Variants in SPAG6 observed in about 807,000 individuals in gnomAD.
SPAG6 encodes sperm-associated antigen 6.
Under a neutral mutation model 58.5 loss-of-function variants are expected in SPAG6, and 49 were observed. That is an observed-to-expected ratio of 0.84 (90% CI 0.67 to 1.06). SPAG6 has a LOEUF of 1.06. Among genes scored for constraint, SPAG6 ranks in the 50% least tolerant of loss-of-function variants. The pLI, the probability that SPAG6 is intolerant of heterozygous loss-of-function variation, is 0.00. For synonymous variants in SPAG6, 233 were observed against 225.6 expected, an observed-to-expected ratio of 1.03 and a Z score of -0.29; for missense variants, 560 against 611.3, an observed-to-expected ratio of 0.92 and a Z score of 0.89.
At chr10:22,352,393 A>G (rs1345497517) in intron 2 of SPAG6, among the ~76,000 whole-genome samples, 1 of 152,010 alleles carries the variant, frequency 6.6e-6, no homozygotes, top group Non-Finnish European at 1.5e-5. Context: ...TTTAAAAAAA[A>G]TTGAGGGATT....
At chr10:22,400,056 A>G (rs2132101747) in intron 8 of SPAG6, among the ~76,000 whole-genome samples, 1 of 152,328 alleles carries the variant, frequency 6.6e-6, no homozygotes. Flanking sequence ...CTTAAATTCA[A>G]GAGATTCTTT....
At chr10:22,354,066 T>C (rs552081685) in intron 2 of SPAG6, among the ~76,000 whole-genome samples, 5 of 152,318 alleles carry the variant, frequency 3.3e-5, no homozygotes, top group Non-Finnish European at 5.9e-5. Flanking sequence ...GTATGAAGTT[T>C]AGATTTCTCC....
Position 22,415,774 on chromosome 10 carries a change from C to T in SPAG6, c.1461-845C>T, listed in dbSNP as rs114060593. The stretch of plus-strand genomic sequence containing the variant: ...AGGTTTTATCTGGAGAAAATGCCTT[C>T]AGAAGCTTAATTATTTTGAGTGTTT... On this transcript the variant is annotated intron_variant, in intron 10 of 10. Transcript: ENST00000376624. Among the ~76,000 whole-genome samples the T allele has an allele frequency of 9.4e-3, 1,432 of 152,204 alleles. 23 individuals are homozygous for T. Among genetic ancestry groups the T allele is most frequent in the African/African-American group, 0.033 (1,364 of 41,536 alleles).
At chr10:22,372,767 A>C (rs1286229189) in intron 4 of SPAG6, among the ~76,000 whole-genome samples, 1 of 152,166 alleles carries the variant, frequency 6.6e-6, no homozygotes, top group African/African-American at 2.4e-5. Context: ...TTAGCTAAAA[A>C]AAAAAAAAAA....
intron 10 of SPAG6, among the ~76,000 whole-genome samples, chr10:22,411,951 C>A (rs904122215): frequency 6.6e-6 from 1 of 150,616 alleles, no homozygotes; most frequent in African/African-American, 2.5e-5. Context: ...CAGGTTCACG[C>A]CGTTCTCCTG....
chr10:22,398,082 G>C (rs1262157339), intron 8 of SPAG6, among the ~76,000 whole-genome samples: 1 of 152,228 alleles, frequency 6.6e-6, no homozygotes. Flanking sequence ...ATTGAATTGA[G>C]AATCTGAAAT....
chr10:22,409,112 G>T (rs914148723), intron 9 of SPAG6, among the ~76,000 whole-genome samples: 2 of 152,298 alleles, frequency 1.3e-5, no homozygotes, highest in South Asian at 4.1e-4. Context: ...GGGAGCTGTA[G>T]ACCGGAGCTG....
intron 2 of SPAG6, among the ~76,000 whole-genome samples, chr10:22,346,851 A>G (rs1298037265): frequency 6.6e-6 from 1 of 152,164 alleles, no homozygotes; most frequent in Non-Finnish European, 1.5e-5. Context: ...ATAATCTTCT[A>G]AACGCATTTT....
chr10:22,345,885 C>A lies in SPAG6; in HGVS notation c.121+67C>A. Reference sequence around the variant, plus strand: ...AGTCCCCGACGCCTCCGCCCCGCTGCCCTGCCCGTGGAGCTCTTGGGGAGC... The same window carrying A: ...AGTCCCCGACGCCTCCGCCCCGCTGACCTGCCCGTGGAGCTCTTGGGGAGC... On this transcript the variant is annotated intron_variant, in intron 2 of 10. Transcript: ENST00000376624. This position sits in a 1 kb window ranked among gnomAD's most constrained non-coding sequence, Gnocchi z 6.3. The A allele has an allele frequency of 1.3e-6, 2 of 1,580,194 alleles. No individual in the cohort carries two copies. The highest frequency in any genetic ancestry group is 1.7e-6 in the Non-Finnish European group (2 of 1,163,514).
Position 22,346,488 on chromosome 10 carries a change from TTC to T in SPAG6, c.121+672_121+673del, listed in dbSNP as rs1460913624. On this transcript the variant is annotated intron_variant, in intron 2 of 10. Transcript: ENST00000376624. ...CTTCTTCTTCTTCTTCTTCTTCTTC[TTC>T]TTCTTCTTTCTTCTTCTTCTTCCTC... is the stretch of plus-strand genomic sequence containing the variant. Among the ~76,000 whole-genome samples, 470 of 132,412 alleles carry T rather than the reference TTC, an allele frequency of 3.5e-3. 7 individuals carry two copies. Among genetic ancestry groups the T allele is most frequent in the African/African-American group, 0.017 (432 of 25,264 alleles). 86.9% of individuals were successfully genotyped at this position (132,412 alleles called of 152,430 possible).
chr10:22,391,242 G>A (rs2132087342), intron 7 of SPAG6, among the ~76,000 whole-genome samples: 1 of 152,280 alleles, frequency 6.6e-6, no homozygotes, highest in South Asian at 2.1e-4. Context: ...AAAGGTGTTA[G>A]TGAATATATT....
chr10:22,370,869 G>A (rs1833668468), intron 4 of SPAG6, among the ~76,000 whole-genome samples: 1 of 151,984 alleles, frequency 6.6e-6, no homozygotes, highest in Non-Finnish European at 1.5e-5. Flanking sequence ...TTTTTTTTAA[G>A]TCAGAGGGAC....
At chr10:22,363,365 A>G (rs1837095663) in intron 2 of SPAG6, among the ~76,000 whole-genome samples, 1 of 152,208 alleles carries the variant, frequency 6.6e-6, no homozygotes, top group Non-Finnish European at 1.5e-5. Context: ...ATCAAACAGT[A>G]TAGATAATAA....
intron 2 of SPAG6, among the ~76,000 whole-genome samples, chr10:22,349,271 A>G (rs1588630638): frequency 6.6e-6 from 1 of 152,188 alleles, no homozygotes; most frequent in East Asian, 1.9e-4. Flanking sequence ...AAGAACTCAT[A>G]TGAACAATTA....
intron 9 of SPAG6, among the ~76,000 whole-genome samples, chr10:22,405,621 G>A (rs1386835686): frequency 3.3e-5 from 5 of 150,900 alleles, no homozygotes; most frequent in East Asian, 1.9e-4. Context: ...GTCTCTGCCC[G>A]GCTTTGGTAT....
chr10:22,371,303 G>T (rs1159929951), intron 4 of SPAG6, among the ~76,000 whole-genome samples: 3 of 152,070 alleles, frequency 2.0e-5, no homozygotes, highest in African/African-American at 7.2e-5. Flanking sequence ...GCCCAGGCTG[G>T]AGTGCAGTGG....
intron 8 of SPAG6, among the ~76,000 whole-genome samples, chr10:22,393,827 T>G (rs1311205569): frequency 6.6e-6 from 1 of 152,214 alleles, no homozygotes; most frequent in East Asian, 1.9e-4. Context: ...CCTGTTCGAT[T>G]TGACACCATC....
chr10:22,351,938 C>G (rs546886283), intron 2 of SPAG6, among the ~76,000 whole-genome samples: 1 of 151,978 alleles, frequency 6.6e-6, no homozygotes, highest in African/African-American at 2.4e-5. Flanking sequence ...TTTGGGAGGC[C>G]GAGGTGGGTG....
At chr10:22,360,131 A>G (rs537057563) in intron 2 of SPAG6, among the ~76,000 whole-genome samples, 1 of 152,254 alleles carries the variant, frequency 6.6e-6, no homozygotes, top group South Asian at 2.1e-4. Flanking sequence ...TCTTGAGGCT[A>G]TTTTATAATC....
Sources: gnomAD v4.1 joint callset for allele counts (sites outside exome capture counted in the v4.1 genomes callset) on GRCh38, gnomAD v4.1.1 for gene constraint, Gnocchi (gnomAD v3.1) non-coding constraint, MANE v1.5 for transcripts, NCBI Gene and HGNC (gene_info 2026-07-23, HGNC 2026-07-21) for gene names.